Variants in MTUS2 observed in about 807,000 individuals in gnomAD.
The protein encoded by MTUS2 is microtubule-associated tumor suppressor candidate 2.
In MTUS2, 40 loss-of-function variants were observed where a neutral mutation model predicts 114.1. The observed-to-expected ratio is 0.35, with a 90% confidence interval of 0.27 to 0.46. The LOEUF (loss-of-function observed/expected upper bound fraction) is 0.46, where lower values mean the gene tolerates loss of function less well. Ranked by LOEUF, MTUS2 falls within the 20% of genes least tolerant of loss-of-function variation. MTUS2 has a pLI of 1.00. For missense variants in MTUS2, 1,679 were observed against 1,705.4 expected (o/e 0.98, Z 0.27); for synonymous variants, 688 against 672.0 (o/e 1.02, Z -0.37).
chr13:28,961,272 T>G (rs1013367973), intron 2 of MTUS2, among the ~76,000 whole-genome samples: 1 of 152,110 alleles, frequency 6.6e-6, no homozygotes, highest in African/African-American at 2.4e-5. Flanking sequence ...AACTTTAAGA[T>G]TCAAGAAACC....
intron 5 of MTUS2, among the ~76,000 whole-genome samples, chr13:29,160,171 G>A (rs1185299227): frequency 6.6e-6 from 1 of 152,140 alleles, no homozygotes; most frequent in Non-Finnish European, 1.5e-5. Flanking sequence ...CGGTAATCAG[G>A]AACAAACCAC....
intron 4 of MTUS2, among the ~76,000 whole-genome samples, chr13:29,054,502 A>G (rs908341794): frequency 1.3e-5 from 2 of 152,128 alleles, no homozygotes; most frequent in African/African-American, 4.8e-5. Context: ...TTAGAATAGC[A>G]GTTGCCATGG....
chr13:29,102,043 C>G (rs1890440027), intron 5 of MTUS2, among the ~76,000 whole-genome samples: 1 of 152,130 alleles, frequency 6.6e-6, no homozygotes. Flanking sequence ...CCTGAAGGTG[C>G]CGTAGCTGAG....
intron 1 of MTUS2, among the ~76,000 whole-genome samples, chr13:28,838,670 C>T (rs560995342): frequency 6.6e-6 from 1 of 152,278 alleles, no homozygotes; most frequent in African/African-American, 2.4e-5. Context: ...AGCATGCTCC[C>T]TCTCACCTTT....
chr13:29,453,478 G>A (rs1878885623), intron 9 of MTUS2, among the ~76,000 whole-genome samples: 1 of 152,176 alleles, frequency 6.6e-6, no homozygotes, highest in Non-Finnish European at 1.5e-5. Context: ...TGAAATGCCT[G>A]TGTATTGGAG....
At chr13:29,133,086 T>C (rs2138966532) in intron 5 of MTUS2, among the ~76,000 whole-genome samples, 1 of 152,242 alleles carries the variant, frequency 6.6e-6, no homozygotes, top group African/African-American at 2.4e-5. Flanking sequence ...TATCTCATTA[T>C]AGGTTTGATT....
rs551987805 is a variant in MTUS2, at chr13:29,479,403, C to T, written c.3185-747C>T. 1.0e-3 allele frequency among the ~76,000 whole-genome samples: 158 copies of T among 152,314 alleles called. 1 individual carries two copies. The highest frequency in any genetic ancestry group is 3.7e-3 in the African/African-American group (155 of 41,572). ...CACAGGGGAGGCACAGACACTAAGACAGAGCAGGCTTGGAGAGTGAGCTCA... is the reference window on the plus strand; with the variant it reads ...CACAGGGGAGGCACAGACACTAAGATAGAGCAGGCTTGGAGAGTGAGCTCA... On this transcript the variant is annotated intron_variant, in intron 9 of 15. Coordinates refer to ENST00000612955, the MANE Select transcript of MTUS2 (RefSeq NM_001033602.4).
rs142972326 is a variant in MTUS2, at chr13:28,909,752, G to T, written c.-243+69902G>T. 9.2e-5 allele frequency among the ~76,000 whole-genome samples: 14 copies of T among 152,300 alleles called. No individual in the cohort carries two copies. In the East Asian group the frequency reaches 2.7e-3, roughly 29 times the overall value. ...GGAAGTCAAATTGTCCCTGTTTGCA[G>T]ATGTCATGATTGTACATCTAGGAAA... On this transcript the variant is annotated intron_variant, in intron 2 of 15. Coordinates refer to ENST00000612955, the MANE Select transcript of MTUS2 (RefSeq NM_001033602.4).
At chr13:28,906,949 G>A (rs1273266484) in intron 2 of MTUS2, among the ~76,000 whole-genome samples, 6 of 151,396 alleles carry the variant, frequency 4.0e-5, no homozygotes, top group African/African-American at 1.5e-4. Context: ...ACACATAATT[G>A]TCAGATTCAC....
intron 2 of MTUS2, among the ~76,000 whole-genome samples, chr13:28,867,262 T>A (rs1389978407): frequency 6.6e-6 from 1 of 152,258 alleles, no homozygotes; most frequent in Non-Finnish European, 1.5e-5. Context: ...TGCTAATGGC[T>A]TTAGCCCTTG....
intron 4 of MTUS2, among the ~76,000 whole-genome samples, chr13:29,060,594 TCTTTTA>T (rs895515403): frequency 2.0e-5 from 3 of 146,928 alleles, no homozygotes; most frequent in African/African-American, 5.0e-5. Flanking sequence ...CACTTTTCGG[TCTTTTA>T]CTTTTAATCT....
intron 6 of MTUS2, among the ~76,000 whole-genome samples, chr13:29,290,621 C>T (rs1024320305): frequency 1.8e-4 from 28 of 152,178 alleles, no homozygotes; most frequent in African/African-American, 6.8e-4. Flanking sequence ...TTAACCACCA[C>T]GCCTGGCCAG....
chr13:28,882,642 C>T (rs1195682455), intron 2 of MTUS2, among the ~76,000 whole-genome samples: 1 of 152,066 alleles, frequency 6.6e-6, no homozygotes, highest in East Asian at 1.9e-4. Flanking sequence ...GAGGCTGAGG[C>T]AAGAAGCTCA....
rs190706848 is a variant in MTUS2 at position 29,136,048 on chromosome 13, A to C, written c.2644+35078A>C. Among the ~76,000 whole-genome samples, 124 of 152,336 alleles carry C rather than the reference A, an allele frequency of 8.1e-4. 1 individual carries two copies. Among genetic ancestry groups the C allele is most frequent in the African/African-American group, 2.9e-3 (119 of 41,582 alleles). On this transcript the variant is annotated intron_variant, in intron 5 of 15. Transcript: ENST00000612955. ...TAGAAAACAAAAAGTTGAGTTATGC[A>C]TCATGGTTACAGTAATACTAGCTTT... is the stretch of plus-strand genomic sequence containing the variant.
At chr13:29,080,752 T>C (rs183791534) in intron 4 of MTUS2, among the ~76,000 whole-genome samples, 74 of 152,124 alleles carry the variant, frequency 4.9e-4, no homozygotes, top group Middle Eastern at 3.4e-3. Context: ...TGAGACAGAG[T>C]TTCACTGTTG....
intron 2 of MTUS2, among the ~76,000 whole-genome samples, chr13:28,876,195 G>A (rs1877918301): frequency 6.6e-6 from 1 of 152,206 alleles, no homozygotes; most frequent in Non-Finnish European, 1.5e-5. Context: ...ACCCTGGTGA[G>A]TTGTGGACAC....
intron 2 of MTUS2, among the ~76,000 whole-genome samples, chr13:28,857,657 G>C (rs1876721005): frequency 6.6e-6 from 1 of 152,208 alleles, no homozygotes; most frequent in Admixed American, 6.5e-5. Context: ...TAATATGGAA[G>C]CAGTGAAGGA....
intron 4 of MTUS2, among the ~76,000 whole-genome samples, chr13:29,070,634 CAGAG>C (rs377456748): frequency 3.3e-5 from 5 of 150,790 alleles, no homozygotes; most frequent in African/African-American, 1.2e-4. Context: ...GAATGTGTGT[CAGAG>C]AGAGAGAGAG....
At chr13:29,036,364 C>A (rs914315502) in intron 4 of MTUS2, among the ~76,000 whole-genome samples, 1 of 152,064 alleles carries the variant, frequency 6.6e-6, no homozygotes, top group Non-Finnish European at 1.5e-5. Context: ...GTACATTTAC[C>A]ATGTTTTAGC....
Sources: allele counts gnomAD v4.1 joint callset (sites outside exome capture counted in the v4.1 genomes callset), GRCh38; gene constraint gnomAD v4.1.1; transcripts MANE v1.5; gene names NCBI Gene and HGNC (gene_info 2026-07-23, HGNC 2026-07-21).